NF1: variants seen among roughly 807,000 people sequenced by gnomAD.
NF1 encodes the protein neurofibromin.
A neutral mutation model predicts 325.7 loss-of-function variants in NF1; 122 were observed. That is an observed-to-expected ratio of 0.37 (90% CI 0.32 to 0.44). The LOEUF is 0.44. Among genes scored for constraint, NF1 ranks in the 20% least tolerant of loss-of-function variants. The probability of loss-of-function intolerance (pLI) is 1.00; values close to 1 mark genes in which losing one functional copy is unlikely to be tolerated. For synonymous variants in NF1, 1,091 were observed against 1,186.0 expected (o/e 0.92, Z 1.65); for missense variants, 2,140 against 3,415.4 (o/e 0.63, Z 9.31).
Position 31,182,562 on chromosome 17 carries a change from G to T in NF1, c.785G>T (p.Arg262Leu). ...GATGGTTTTGCTGAAAGCACCAAAC[G>T]TAAAGCAGCAGTTTGGCCACTACAA... is the stretch of plus-strand genomic sequence containing the variant. The part of the protein sequence containing the change: ...LVDGFAESTK[R>L]KAAVWPLQII... Residue 262 changes from arginine to leucine, a missense_variant, in exon 8 of 58, where the codon CGT (arginine) becomes CTT (leucine). By Grantham distance (102) the Arg-to-Leu change is moderately radical. Coordinates refer to ENST00000358273, the MANE Select transcript of NF1 (RefSeq NM_001042492.3). The T allele has an allele frequency of 6.2e-7, 1 of 1,614,002 alleles. No individual in the cohort carries two copies.
chr17:31,245,046 G>C (rs1041732466), intron 29 of NF1, among the ~76,000 whole-genome samples: 3 of 152,042 alleles, frequency 2.0e-5, no homozygotes, highest in Admixed American at 6.5e-5. Flanking sequence ...AAGCAAGAGA[G>C]CACTGTGGCT....
Position 31,358,472 on chromosome 17 carries a change from TC to T in NF1, c.7971-7del. The T allele has an allele frequency of 6.2e-7, 1 of 1,613,522 alleles. No individual in the cohort carries two copies. The stretch of plus-strand genomic sequence containing the variant: ...AATGTTCCTCTGTTGACTTTTTTTT[TC>T]TTTTAGGCATAATTTGTTGGACTCT... On this transcript the variant is annotated splice_region_variant and splice_polypyrimidine_tract_variant and intron_variant, in intron 54 of 57. Transcript: ENST00000358273.
chr17:31,341,930 G>A (rs1380748596), intron 47 of NF1, among the ~76,000 whole-genome samples: 1 of 152,184 alleles, frequency 6.6e-6, no homozygotes, highest in Admixed American at 6.5e-5. Context: ...TGTATATACA[G>A]TGAGATTTGC....
Position 31,131,886 on chromosome 17 carries a change from A to C in NF1, c.61-24097A>C, listed in dbSNP as rs1465641661. Among the ~76,000 whole-genome samples the C allele has an allele frequency of 6.6e-5, 10 of 151,870 alleles. No individual in the cohort carries two copies. The East Asian group carries it at 1.9e-3, about 29-fold the overall frequency. On this transcript the variant is annotated intron_variant, in intron 1 of 57. Transcript: ENST00000358273. ...AGTTGTGTCTAATATTTCACCCCTA[A>C]TGTTTATTTCTTTATTTTTTCATGT...
At chr17:31,181,545 T>C in intron 6 of NF1, 56 bp downstream of exon 6, 1 of 1,535,516 alleles carries the variant, frequency 6.5e-7, no homozygotes, top group African/African-American at 1.4e-5. Flanking sequence ...AATTTGCTGT[T>C]GTTAGCATCC....
intron 54 of NF1, chr17:31,358,046 T>C (rs951719534): frequency 1.5e-5 from 3 of 195,698 alleles, no homozygotes; most frequent in African/African-American, 7.2e-5. Context: ...TTAAAAGCAC[T>C]GATTAACATT....
intron 36 of NF1, chr17:31,318,440 C>CA: frequency 6.2e-7 from 1 of 1,613,964 alleles, no homozygotes; most frequent in Non-Finnish European, 8.5e-7. Flanking sequence ...GTGTCTGATT[C>CA]AGCGGGCCAT....
In NF1 at chr17:31,184,387, C is replaced by T. The variant is rs559370250; in HGVS notation, c.888+1722C>T. Among the ~76,000 whole-genome samples the T allele has an allele frequency of 4.3e-4, 65 of 152,180 alleles. 1 individual carries two copies. Among genetic ancestry groups the T allele is most frequent in the African/African-American group, 1.4e-3 (59 of 41,562 alleles). ...ATGATGGGCCGGGCGCGGTGGCTCA[C>T]GCCTGTAATCCCAGCACTTTGGGAG... On this transcript the variant is annotated intron_variant, in intron 8 of 57. Coordinates refer to ENST00000358273, the MANE Select transcript of NF1 (RefSeq NM_001042492.3).
intron 1 of NF1, among the ~76,000 whole-genome samples, chr17:31,107,461 C>T (rs970774790): frequency 7.2e-5 from 11 of 152,006 alleles, no homozygotes; most frequent in African/African-American, 2.7e-4. Context: ...GACGAGGTTT[C>T]GCCATCTTGC....
At chr17:31,321,726 C>A (rs1361353587) in intron 36 of NF1, 4 of 146,182 alleles carry the variant, frequency 2.7e-5, no homozygotes, top group Non-Finnish European at 6.1e-5. Context: ...AAAAAAAAAA[C>A]AACGAAAAAG....
chr17:31,163,833 A>G (rs972156638), intron 4 of NF1, among the ~76,000 whole-genome samples: 5 of 152,198 alleles, frequency 3.3e-5, no homozygotes, highest in African/African-American at 9.6e-5. Flanking sequence ...TCAGAATTCA[A>G]ATACTTTCAC....
chr17:31,295,944 C>T (rs778847992), intron 36 of NF1: 1 of 1,614,086 alleles, frequency 6.2e-7, no homozygotes, highest in East Asian at 2.2e-5. Context: ...TTCTTAGAAA[C>T]ATCCAGATAT....
intron 36 of NF1, among the ~76,000 whole-genome samples, chr17:31,278,466 GCACAGACA>G (rs2068052739): frequency 3.2e-5 from 1 of 31,478 alleles, no homozygotes; most frequent in Non-Finnish European, 5.2e-5. Flanking sequence ...AGTGATATTT[GCACAGACA>G]TTGCCTTGGT....
intron 36 of NF1, chr17:31,296,816 T>A (rs528638431): frequency 6.2e-6 from 1 of 160,686 alleles, no homozygotes; most frequent in Admixed American, 5.9e-5. Context: ...TATTTAGATA[T>A]TAAAGCAGTT....
At chr17:31,229,696 G>C in intron 21 of NF1, 139 bp from the exon 22 acceptor site, 3 of 1,125,390 alleles carry the variant, frequency 2.7e-6, no homozygotes, top group Non-Finnish European at 4.0e-6. Flanking sequence ...GAGTGTCTGC[G>C]TATATCTGTA....
chr17:31,353,824 G>C (rs2070210256), intron 51 of NF1, among the ~76,000 whole-genome samples: 1 of 152,198 alleles, frequency 6.6e-6, no homozygotes, highest in African/African-American at 2.4e-5. Flanking sequence ...AAAAATGTTT[G>C]TGTTCATAAG....
At chr17:31,358,300 C>A in intron 54 of NF1, 180 bp from the exon 55 acceptor site, 1 of 638,198 alleles carries the variant, frequency 1.6e-6, no homozygotes, top group Non-Finnish European at 2.7e-6. Context: ...AAAACAGACA[C>A]ACACACATGT....
In NF1 at chr17:31,337,492, C is replaced by T. The variant is rs376808264; in HGVS notation, c.6552C>T (p.Asp2184=). The change falls in exon 43 of 58, where the codon GAC becomes GAT. Residue 2184 remains aspartate, a synonymous_variant. Transcript: ENST00000358273. ...TTGCCTTCCGTTCCAGTTACCGGGA[C>T]AGGTCATTCTCTCCTGGCTCCTATG... ...AVIAFRSSYR[D]RSFSPGSYER... The T allele has an allele frequency of 2.5e-6, 4 of 1,614,006 alleles. No individual in the cohort carries two copies. The African/African-American group carries it at 4.0e-5, about 16-fold the overall frequency.
intron 1 of NF1, among the ~76,000 whole-genome samples, chr17:31,122,439 T>C (rs1424475178): frequency 6.6e-6 from 1 of 152,376 alleles, no homozygotes; most frequent in East Asian, 1.9e-4. Flanking sequence ...AAAAGTTGTT[T>C]TGAAGTTATT....
Sources: gnomAD v4.1 joint callset for allele counts (sites outside exome capture counted in the v4.1 genomes callset) on GRCh38, gnomAD v4.1.1 for gene constraint, MANE v1.5 for transcripts, NCBI Gene and HGNC (gene_info 2026-07-23, HGNC 2026-07-21) for gene names.